The following RGMA variants were observed in gnomAD, a reference collection of about 807,000 sequenced individuals.
RGMA encodes the protein repulsive guidance molecule BMP co-receptor a, also known as repulsive guidance molecule A.
A neutral mutation model predicts 23.2 loss-of-function variants in RGMA; 10 were observed. The ratio of observed to expected loss-of-function variants is 0.43; its 90% CI spans 0.27 to 0.73. RGMA has a LOEUF of 0.73. Among genes scored for constraint, RGMA ranks in the 30% least tolerant of loss-of-function variants. The pLI, the probability that RGMA is intolerant of heterozygous loss-of-function variation, is 0.20. For missense variants in RGMA, 547 were observed against 630.5 expected (o/e 0.87, Z 1.42); for synonymous variants, 308 against 279.3 (o/e 1.10, Z -1.03).
chr15:93,061,668 C>G (rs1018953394), intron 2 of RGMA, among the ~76,000 whole-genome samples: 4 of 152,214 alleles, frequency 2.6e-5, no homozygotes, highest in Admixed American at 6.5e-5. Flanking sequence ...CTTTTAATAG[C>G]AACCTAGCAC....
At position 93,045,865 on chromosome 15, in the gene RGMA, A is replaced by G. The variant is rs1290324087; in HGVS notation, c.646-160T>C. 6.6e-6 allele frequency among the ~76,000 whole-genome samples: 1 copy of G among 152,218 alleles called. No homozygotes were observed. Among genetic ancestry groups the G allele is most frequent in the Non-Finnish European group, 1.5e-5 (1 of 68,036 alleles). On this transcript the variant is annotated intron_variant, in intron 3 of 3. Transcript: ENST00000329082. This position sits in a 1 kb window ranked among gnomAD's most constrained non-coding sequence, Gnocchi z 6.9. ...TTGGACAGATCAGTTCCACCTGCGC[A>G]GCTGTGCACTTCACATTCTTTCAAT...
At chr15:93,080,560 C>T (rs547399474) in intron 1 of RGMA, among the ~76,000 whole-genome samples, 20 of 152,280 alleles carry the variant, frequency 1.3e-4, no homozygotes, top group South Asian at 6.2e-4. Flanking sequence ...CGGGGCTTTT[C>T]GTTTTCTCTC....
rs1204688832 is a variant in RGMA at position 93,044,366 on chromosome 15, GC to G, written c.*631del. 1 of 153,292 alleles carries G rather than the reference GC, an allele frequency of 6.5e-6. No individual in the cohort carries two copies. The highest frequency in any genetic ancestry group is 1.9e-4 in the East Asian group (1 of 5,208). The allele number at this position is 153,292 out of a possible 1,614,324, so 9.5% of individuals were successfully genotyped here. The stretch of plus-strand genomic sequence containing the variant: ...GGGACCTGCACTGGTACCCACAGCA[GC>G]CAGGTGAACATGGGCAGGGAGGCCA... On this transcript the variant is annotated 3_prime_UTR_variant, in exon 4 of 4. Coordinates refer to ENST00000329082, the MANE Select transcript of RGMA (RefSeq NM_020211.3).
chr15:93,084,696 C>T (rs1422663056), intron 1 of RGMA, among the ~76,000 whole-genome samples: 1 of 152,138 alleles, frequency 6.6e-6, no homozygotes. Flanking sequence ...TGGTCTCGAA[C>T]CCCTGACCTC....
chr15:93,080,036 T>C (rs991610288), intron 1 of RGMA, among the ~76,000 whole-genome samples: 1 of 152,114 alleles, frequency 6.6e-6, no homozygotes, highest in Non-Finnish European at 1.5e-5. Context: ...GAGACTCTTA[T>C]TCTTGGTAAT....
At chr15:93,062,131 T>C (rs1265403179) in intron 2 of RGMA, among the ~76,000 whole-genome samples, 4 of 152,142 alleles carry the variant, frequency 2.6e-5, no homozygotes, top group African/African-American at 9.7e-5. Context: ...TCATTTTGAG[T>C]GCAAGCCCCA....
Position 93,045,698 on chromosome 15 carries a change from A to G in RGMA, c.653T>C (p.Ile218Thr). ...SAATATSKLT[I>T]IFKNFQECVD... Reference sequence around the variant, plus strand: ...ACACTCCTGGAAGTTCTTGAAGATGATGGTGAGCTGCCGGGGAAAGGGGCA... The same window carrying G: ...ACACTCCTGGAAGTTCTTGAAGATGGTGGTGAGCTGCCGGGGAAAGGGGCA... The change falls in exon 4 of 4, where the codon ATC (isoleucine) becomes ACC (threonine). Residue 218 changes from isoleucine (I) to threonine (T), a missense_variant. Coordinates refer to ENST00000329082, the MANE Select transcript of RGMA (RefSeq NM_020211.3). This position sits in a 1 kb window ranked among gnomAD's most constrained non-coding sequence, Gnocchi z 6.9. 1 of 1,602,122 alleles carries G rather than the reference A, an allele frequency of 6.2e-7. No homozygotes were observed. Among genetic ancestry groups the G allele is most frequent in the East Asian group, 2.2e-5 (1 of 44,850 alleles).
intron 1 of RGMA, chr15:93,088,456 G>A: frequency 1.0e-6 from 1 of 986,682 alleles, no homozygotes; most frequent in Non-Finnish European, 1.2e-6. Context: ...CCCACGCGGT[G>A]CACTGCGCCG....
In RGMA at chr15:93,073,030, C is replaced by G. The variant is rs781264059; in HGVS notation, c.16G>C (p.Glu6Gln). ...GCTCGGCCTGTTACCACTAGCCTCT[C>G]CCTGGAAGAAGAGTTCAGAAAAAAA... MQPPRERLVVTGRAGW... is the reference protein window; with the variant it reads MQPPRQRLVVTGRAGW... The change falls in exon 2 of 4, where the codon GAG (glutamate) becomes CAG (glutamine). Residue 6 changes from glutamate (E) to glutamine (Q), a missense_variant and splice_region_variant. Around this residue, in one of 3 missense-constraint regions of RGMA, gnomAD observed 214 missense variants for 234.7 expected, o/e 0.91. Transcript: ENST00000329082. The G allele has an allele frequency of 5.7e-6, 9 of 1,592,518 alleles. No individual in the cohort carries two copies. In the East Asian group the frequency reaches 6.9e-5, roughly 12 times the overall value.
In RGMA at chr15:93,052,456, G is replaced by A. The variant is rs367613888; in HGVS notation, c.182C>T (p.Thr61Met). 5.0e-6 allele frequency: 8 copies of A among 1,590,788 alleles called. No homozygotes were observed. Among genetic ancestry groups the A allele is most frequent in the African/African-American group, 2.7e-5 (2 of 74,784 alleles). The change falls in exon 3 of 4, where the codon ACG becomes ATG. Residue 61 changes from threonine to methionine, a missense_variant. By Grantham distance (81) the Thr-to-Met change is moderately conservative (BLOSUM62 -1). This residue lies in a region of RGMA where 214 missense variants were observed against 234.7 expected (regional missense o/e 0.91). Transcript: ENST00000329082. Reference sequence around the variant, plus strand: ...TGAGGCTGGGGCGTGGCTGCCCGACGTGGCGCTCCAGAACTCAGAGTTGCA... The same window carrying A: ...TGAGGCTGGGGCGTGGCTGCCCGACATGGCGCTCCAGAACTCAGAGTTGCA... ...LKCNSEFWSA[T>M]SGSHAPASDD...
In RGMA at chr15:93,073,046, C is replaced by T. The variant is rs749639233; in HGVS notation, c.15-15G>A. ...CTAGCCTCTCCCTGGAAGAAGAGTT[C>T]AGAAAAAAAGAAGAAAATAAATCAC... On this transcript the variant is annotated splice_polypyrimidine_tract_variant and intron_variant, in intron 1 of 3. Coordinates refer to ENST00000329082, the MANE Select transcript of RGMA (RefSeq NM_020211.3). 6.6e-7 allele frequency: 1 copy of T among 1,505,870 alleles called. No homozygotes were observed. The highest frequency in any genetic ancestry group is 2.2e-5 in the Admixed American group (1 of 46,300). The allele number at this position is 1,505,870 out of a possible 1,614,324, so 93.3% of individuals were successfully genotyped here. A position where few individuals can be genotyped will look rare whatever the true frequency, so the allele number is the denominator to read the frequency against.
rs1295950016 is a variant in RGMA, at chr15:93,040,983, A to G, written c.*4015T>C. On this transcript the variant is annotated 3_prime_UTR_variant, in exon 4 of 4. Coordinates refer to ENST00000329082, the MANE Select transcript of RGMA (RefSeq NM_020211.3). ...TCAAAAAATCCCAAGGAGACCACAC[A>G]GCTCGCGACGGGTTGAGCCAGTTTT... 6.6e-6 allele frequency: 1 copy of G among 152,180 alleles called. No individual in the cohort carries two copies. The highest frequency in any genetic ancestry group is 1.5e-5 in the Non-Finnish European group (1 of 68,052). 9.4% of individuals were successfully genotyped at this position (152,180 alleles called of 1,614,324 possible).
chr15:93,083,336 T>A (rs182475787), intron 1 of RGMA, among the ~76,000 whole-genome samples: 196 of 152,298 alleles, frequency 1.3e-3, no homozygotes, highest in South Asian at 7.9e-3. Flanking sequence ...AAGCTTTTTT[T>A]ATTTTTTTTG....
intron 2 of RGMA, among the ~76,000 whole-genome samples, chr15:93,069,112 TTTTTG>T (rs1318673447): frequency 6.6e-6 from 1 of 152,088 alleles, no homozygotes; most frequent in East Asian, 1.9e-4. Flanking sequence ...ATGCATTTTT[TTTTTG>T]TTTGTTTTTT....
chr15:93,035,910 T>C lies in RGMA; in HGVS notation c.*9088A>G. ...AGGGCAGTGAGGCTCAGACACAGCCTGTGGCTTAAGATGAGGGTCAGAGAA... is the reference window on the plus strand; with the variant it reads ...AGGGCAGTGAGGCTCAGACACAGCCCGTGGCTTAAGATGAGGGTCAGAGAA... On this transcript the variant is annotated 3_prime_UTR_variant, in exon 4 of 4. Transcript: ENST00000329082. The C allele has an allele frequency of 6.6e-6, 1 of 152,386 alleles. No homozygotes were observed. 9.4% of individuals were successfully genotyped at this position (152,386 alleles called of 1,614,324 possible).
chr15:93,044,917 T>C lies in RGMA; in HGVS notation c.*81A>G. 8.2e-7 allele frequency: 1 copy of C among 1,214,932 alleles called. No homozygotes were observed. Among genetic ancestry groups the C allele is most frequent in the Non-Finnish European group, 1.1e-6 (1 of 871,962 alleles). The allele number at this position is 1,214,932 out of a possible 1,614,324, so 75.3% of individuals were successfully genotyped here. A position where few individuals can be genotyped will look rare whatever the true frequency, so the allele number is the denominator to read the frequency against. On this transcript the variant is annotated 3_prime_UTR_variant, in exon 4 of 4. Transcript: ENST00000329082. ...GGGCCATGGTGGACACGCCAGGAGATCTGCACCCCGTGGGCGGTCCCAGCC... is the reference window on the plus strand; with the variant it reads ...GGGCCATGGTGGACACGCCAGGAGACCTGCACCCCGTGGGCGGTCCCAGCC...
At chr15:93,069,626 CT>C (rs1895262053) in intron 2 of RGMA, among the ~76,000 whole-genome samples, 1 of 152,256 alleles carries the variant, frequency 6.6e-6, no homozygotes, top group South Asian at 2.1e-4. Context: ...GATCCTCAAA[CT>C]TGAGCATGCA....
At chr15:93,086,876 G>T (rs1411685975) in intron 1 of RGMA, among the ~76,000 whole-genome samples, 2 of 152,246 alleles carry the variant, frequency 1.3e-5, no homozygotes, top group East Asian at 3.8e-4. Context: ...TTTGTAAAAA[G>T]AGAAAGCAGG....
chr15:93,079,009 C>G (rs1267435971), intron 1 of RGMA, among the ~76,000 whole-genome samples: 1 of 152,244 alleles, frequency 6.6e-6, no homozygotes, highest in African/African-American at 2.4e-5. Flanking sequence ...TTGCTAACTC[C>G]TAAGCTCATC....
Sources: gnomAD v4.1 joint callset for allele counts (sites outside exome capture counted in the v4.1 genomes callset) on GRCh38, gnomAD v4.1.1 for gene constraint, gnomAD v4.1.1 regional missense constraint, Gnocchi (gnomAD v3.1) non-coding constraint, MANE v1.5 for transcripts, NCBI Gene and HGNC (gene_info 2026-07-23, HGNC 2026-07-21) for gene names.